The following NAV1 variants were observed in gnomAD, a reference collection of about 807,000 sequenced individuals.
The protein encoded by NAV1 is neuron navigator 1.
Under a neutral mutation model 175.2 loss-of-function variants are expected in NAV1, and 18 were observed. The ratio of observed to expected loss-of-function variants is 0.10; its 90% CI spans 0.07 to 0.15. The LOEUF is 0.15. Among genes scored for constraint, NAV1 ranks in the 10% least tolerant of loss-of-function variants. The pLI is 1.00. For missense variants in NAV1, 1,731 were observed against 2,436.6 expected (o/e 0.71, Z 6.10); for synonymous variants, 897 against 978.7 (o/e 0.92, Z 1.56).
rs112924548 is a variant in NAV1 at position 201,684,823 on chromosome 1, T to C, written c.758-27994T>C. Among the ~76,000 whole-genome samples the C allele has an allele frequency of 6.6e-3, 995 of 149,864 alleles. 10 individuals carry two copies. The highest frequency in any genetic ancestry group is 0.023 in the African/African-American group (951 of 40,940). ...TTCTTAATACAAAAAATTAGCTGGG[T>C]GTGGTGGCGAGCGCCTGTAATCCCA... On this transcript the variant is annotated intron_variant, in intron 1 of 29. Transcript: ENST00000367296.
rs1169488912 is a variant in NAV1, at chr1:201,626,891, G to A, written c.-100-2513G>A. On this transcript the variant is annotated intron_variant, in intron 1 of 29. Transcript: ENST00000367302. ...CAGGCTGAGAAGTGAGGGCGGACAT[G>A]GAGGCCTGGCCATGTTTGGAGAGAT... 2.0e-5 allele frequency among the ~76,000 whole-genome samples: 3 copies of A among 152,230 alleles called. No individual in the cohort carries two copies. The East Asian group carries it at 5.8e-4, about 29-fold the overall frequency.
intron 1 of NAV1, among the ~76,000 whole-genome samples, chr1:201,552,358 G>C (rs1665879924): frequency 6.6e-6 from 1 of 152,170 alleles, no homozygotes; most frequent in Non-Finnish European, 1.5e-5. Flanking sequence ...GCGGGGTTGG[G>C]GGTAAGGGAT....
rs1485221720 is a variant in NAV1 at position 201,804,498 on chromosome 1, G to T, written c.3648+1G>T. Reference sequence around the variant, plus strand: ...CCCTATTTTTTTCCAGGTCTATGAGGTAAGAGACCCAGTTCCTATCCCCTT... The same window carrying T: ...CCCTATTTTTTTCCAGGTCTATGAGTTAAGAGACCCAGTTCCTATCCCCTT... On this transcript the variant is annotated splice_donor_variant, in intron 17 of 29. Transcript: ENST00000367296. LOFTEE classifies it high-confidence loss of function. 3 of 1,544,198 alleles carry T rather than the reference G, an allele frequency of 1.9e-6. No individual in the cohort carries two copies. In the African/African-American group the frequency reaches 4.2e-5, roughly 22 times the overall value.
At chr1:201,754,422 G>A (rs1392947683) in intron 3 of NAV1, among the ~76,000 whole-genome samples, 4 of 152,224 alleles carry the variant, frequency 2.6e-5, no homozygotes, top group Non-Finnish European at 5.9e-5. Context: ...GTGACTGACA[G>A]TGTTAAATGC....
chr1:201,696,769 T>G (rs1408995303), intron 1 of NAV1, among the ~76,000 whole-genome samples: 2 of 152,196 alleles, frequency 1.3e-5, no homozygotes, highest in African/African-American at 4.8e-5. Context: ...TTCAGATCCC[T>G]ACCCTACAAG....
At chr1:201,636,915 AG>A (rs1668632041) in intron 2 of NAV1, among the ~76,000 whole-genome samples, 1 of 152,230 alleles carries the variant, frequency 6.6e-6, no homozygotes, top group African/African-American at 2.4e-5. Flanking sequence ...AGAGGTGGCA[AG>A]CCCCTTGTGA....
chr1:201,669,369 A>G (rs1669948966), intron 1 of NAV1, among the ~76,000 whole-genome samples: 1 of 152,140 alleles, frequency 6.6e-6, no homozygotes, highest in South Asian at 2.1e-4. Flanking sequence ...AGCAGGAGTC[A>G]ACCAGGCAGA....
chr1:201,779,430 T>TG, intron 3 of NAV1, among the ~76,000 whole-genome samples: 1 of 136,358 alleles, frequency 7.3e-6, no homozygotes, highest in Admixed American at 7.3e-5. Context: ...TGTCTCTACT[T>TG]AAAAAAAAAA....
chr1:201,543,643 T>A (rs1367980118), intron 1 of NAV1, among the ~76,000 whole-genome samples: 2 of 152,228 alleles, frequency 1.3e-5, no homozygotes, highest in African/African-American at 4.8e-5. Flanking sequence ...ACTTTAAACA[T>A]CTAACAATTA....
intron 2 of NAV1, among the ~76,000 whole-genome samples, chr1:201,594,072 CT>C (rs5780076): frequency 0.047 from 6,585 of 140,770 alleles, 271 homozygotes; most frequent in African/African-American, 0.12. Flanking sequence ...GGGAGTGGCA[CT>C]TTTTTTTTTT....
rs1571468500 is a variant in NAV1 at position 201,764,085 on chromosome 1, A to T, written c.1227-16336A>T. Among the ~76,000 whole-genome samples, 3 of 152,210 alleles carry T rather than the reference A, an allele frequency of 2.0e-5. No homozygotes were observed. In the South Asian group the frequency reaches 6.2e-4, roughly 32 times the overall value. On this transcript the variant is annotated intron_variant, in intron 3 of 29. Transcript: ENST00000367296. ...GATTCGGGTATTTAATTTTCCTATA[A>T]TAACCTATGATATCATGATTTAAAA...
chr1:201,752,551 C>T (rs939592888), intron 3 of NAV1, among the ~76,000 whole-genome samples: 1 of 151,850 alleles, frequency 6.6e-6, no homozygotes, highest in African/African-American at 2.4e-5. Context: ...ACAAATAACA[C>T]ATGGTCCCAG....
At chr1:201,547,149 G>A (rs1317239783) in intron 1 of NAV1, among the ~76,000 whole-genome samples, 1 of 151,854 alleles carries the variant, frequency 6.6e-6, no homozygotes, top group Non-Finnish European at 1.5e-5. Flanking sequence ...ACCATGCCCG[G>A]CTAATTTTTT....
At chr1:201,804,374 C>A (rs1267732373) in intron 16 of NAV1, 115 bp from the exon 21 acceptor site, 1 of 1,088,900 alleles carries the variant, frequency 9.2e-7, no homozygotes, top group Non-Finnish European at 1.3e-6. Context: ...TAAGACACAC[C>A]CCCAGACCTT....
chr1:201,734,492 G>GAA (rs1342842055), intron 3 of NAV1, among the ~76,000 whole-genome samples: 11 of 135,472 alleles, frequency 8.1e-5, no homozygotes, highest in South Asian at 5.3e-4. Flanking sequence ...GGAGGAAGAA[G>GAA]GAGAAGGAGA....
At chr1:201,780,588 C>G (rs1214794260) in intron 4 of NAV1, 29 bp downstream of exon 8, 1 of 1,613,790 alleles carries the variant, frequency 6.2e-7, no homozygotes, top group Non-Finnish European at 8.5e-7. Context: ...ACCCAAGCTG[C>G]CATCTCAAGA....
intron 1 of NAV1, among the ~76,000 whole-genome samples, chr1:201,689,288 A>G (rs536240367): frequency 6.6e-6 from 1 of 152,330 alleles, no homozygotes; most frequent in South Asian, 2.1e-4. Flanking sequence ...ATCCAAATGT[A>G]TTTCACTGAT....
At chr1:201,797,007 T>C (rs972588807) in intron 15 of NAV1, 3 of 152,240 alleles carry the variant, frequency 2.0e-5, no homozygotes, top group African/African-American at 7.2e-5. Flanking sequence ...GCATCATTTA[T>C]CTAGTTTTTT....
At chr1:201,655,506 C>T (rs1251023597) in intron 1 of NAV1, among the ~76,000 whole-genome samples, 1 of 152,226 alleles carries the variant, frequency 6.6e-6, no homozygotes, top group Non-Finnish European at 1.5e-5. Context: ...GGCAGGTTCC[C>T]TCCTATAGGA....
Sources: gnomAD v4.1 joint callset for allele counts (sites outside exome capture counted in the v4.1 genomes callset) on GRCh38, gnomAD v4.1.1 for gene constraint, MANE v1.5 for transcripts, NCBI Gene and HGNC (gene_info 2026-07-23, HGNC 2026-07-21) for gene names.